The following DPF3 variants were observed in gnomAD, a reference collection of about 807,000 sequenced individuals.
The protein encoded by DPF3 is double PHD fingers 3.
A neutral mutation model predicts 56.8 loss-of-function variants in DPF3; 18 were observed. The observed-to-expected ratio is 0.32, with a 90% confidence interval of 0.22 to 0.47. DPF3 has a LOEUF of 0.47. DPF3 is among the 20% of genes least tolerant of loss of function. The pLI is 1.00. For missense variants in DPF3, 403 were observed against 488.8 expected, an observed-to-expected ratio of 0.82 and a Z score of 1.65; for synonymous variants, 188 against 180.2, an observed-to-expected ratio of 1.04 and a Z score of -0.35.
rs940008537 is a variant in DPF3, at chr14:72,822,782, G to T, written c.33-50889C>A. ...CTTAGAAGGAAGGAGAGTATTATGA[G>T]TTGAGTTTTTTAGAAGGAAAGAGAG... On this transcript the variant is annotated intron_variant, in intron 1 of 10. Transcript: ENST00000556509. 1.8e-4 allele frequency among the ~76,000 whole-genome samples: 28 copies of T among 152,142 alleles called. 1 individual carries two copies. Among genetic ancestry groups the T allele is most frequent in the Admixed American group, 1.6e-3 (25 of 15,274 alleles).
At chr14:72,853,029 C>T (rs2140086269) in intron 1 of DPF3, among the ~76,000 whole-genome samples, 1 of 53,800 alleles carries the variant, frequency 1.9e-5, no homozygotes, top group South Asian at 8.3e-4. Context: ...TCTGCCATAG[C>T]CTTGCGTGTG....
chr14:72,610,733 C>T lies in DPF3; in HGVS notation c.*8564G>A, dbSNP rs1044698255. ...AAGGGCAGGTGGGAGATGGAGCCTTCTCAGAGCTCAGCCACTGGCTCTTGG... is the reference window on the plus strand; with the variant it reads ...AAGGGCAGGTGGGAGATGGAGCCTTTTCAGAGCTCAGCCACTGGCTCTTGG... On this transcript the variant is annotated 3_prime_UTR_variant, in exon 11 of 11. Transcript: ENST00000556509. 1.8e-4 allele frequency among the ~76,000 whole-genome samples: 28 copies of T among 152,322 alleles called. 1 individual carries two copies. Among genetic ancestry groups the T allele is most frequent in the African/African-American group, 6.5e-4 (27 of 41,572 alleles).
intron 1 of DPF3, among the ~76,000 whole-genome samples, chr14:72,887,888 G>A (rs1475072488): frequency 6.6e-6 from 1 of 152,222 alleles, no homozygotes; most frequent in Non-Finnish European, 1.5e-5. Flanking sequence ...GCAGGTGAAA[G>A]TGTGAGGATG....
chr14:72,733,894 G>A (rs1045318169), intron 3 of DPF3, among the ~76,000 whole-genome samples: 7 of 152,258 alleles, frequency 4.6e-5, no homozygotes, highest in East Asian at 1.9e-4. Flanking sequence ...GTGGGTGACC[G>A]GCCCCCAGAA....
Position 72,609,555 on chromosome 14 carries a change from G to A in DPF3, c.*9742C>T, listed in dbSNP as rs1883600355. The stretch of plus-strand genomic sequence containing the variant: ...AGAGCTTGATACGTTCCTTAGGCAG[G>A]GCAGAAACATCACAGCACTTCACGT... On this transcript the variant is annotated 3_prime_UTR_variant, in exon 11 of 11. Transcript: ENST00000556509. 6.6e-6 allele frequency among the ~76,000 whole-genome samples: 1 copy of A among 152,150 alleles called. No homozygotes were observed. The highest frequency in any genetic ancestry group is 2.4e-5 in the African/African-American group (1 of 41,408).
At chr14:72,795,708 C>T (rs1892621076) in intron 1 of DPF3, among the ~76,000 whole-genome samples, 1 of 152,122 alleles carries the variant, frequency 6.6e-6, no homozygotes, top group South Asian at 2.1e-4. Flanking sequence ...GCAGACTGAC[C>T]CTTTCATGCT....
chr14:72,622,167 T>C (rs1194188112), intron 9 of DPF3, among the ~76,000 whole-genome samples: 2 of 152,182 alleles, frequency 1.3e-5, no homozygotes, highest in Non-Finnish European at 2.9e-5. Context: ...TACATTTTTC[T>C]ATGGAAAGAG....
chr14:72,679,039 A>T (rs1887038220), intron 7 of DPF3, among the ~76,000 whole-genome samples: 2 of 152,244 alleles, frequency 1.3e-5, no homozygotes, highest in African/African-American at 2.4e-5. Context: ...CGCTCAGGGA[A>T]GCGAGAGCAG....
chr14:72,750,632 G>A lies in DPF3; in HGVS notation c.301+2632C>T, dbSNP rs572608105. 1.4e-4 allele frequency among the ~76,000 whole-genome samples: 22 copies of A among 151,986 alleles called. No homozygotes were observed. In the South Asian group the frequency reaches 1.9e-3, roughly 13 times the overall value. On this transcript the variant is annotated intron_variant, in intron 3 of 10. Transcript: ENST00000556509. ...TGGAATATTATGTAATTACAAAAAC[G>A]AAATGAAGAAACTTTATATTTTGCT...
Position 72,618,276 on chromosome 14 carries a change from T to A in DPF3, c.*1021A>T, listed in dbSNP as rs1206355877. ...ACAAACACTACGTGGAAGGAAGAAA[T>A]TACTTGGAAAAAGGAATTCAGAGCG... is the stretch of plus-strand genomic sequence containing the variant. On this transcript the variant is annotated 3_prime_UTR_variant, in exon 11 of 11. Coordinates refer to ENST00000556509, the MANE Select transcript of DPF3 (RefSeq NM_001280542.3). Among the ~76,000 whole-genome samples the A allele has an allele frequency of 6.6e-6, 1 of 152,088 alleles. No homozygotes were observed. The highest frequency in any genetic ancestry group is 1.5e-5 in the Non-Finnish European group (1 of 68,024).
intron 1 of DPF3, among the ~76,000 whole-genome samples, chr14:72,846,717 C>T (rs548273077): frequency 7.2e-5 from 11 of 152,196 alleles, no homozygotes; most frequent in South Asian, 4.2e-4. Flanking sequence ...CCACTGCACC[C>T]AGCCAGTAGC....
chr14:72,699,134 GA>G (rs1888043707), intron 6 of DPF3, among the ~76,000 whole-genome samples: 2 of 152,274 alleles, frequency 1.3e-5, no homozygotes, highest in South Asian at 2.1e-4. Context: ...AGACTGTGGA[GA>G]GAGAAAAGAG....
At chr14:72,887,197 A>AC (rs1886584720) in intron 1 of DPF3, among the ~76,000 whole-genome samples, 2 of 147,274 alleles carry the variant, frequency 1.4e-5, no homozygotes, top group South Asian at 2.2e-4. Flanking sequence ...ACACACACAC[A>AC]AAAGGAAGCA....
At chr14:72,756,822 C>CAGAAAGAA (rs71109746) in intron 2 of DPF3, among the ~76,000 whole-genome samples, 1,130 of 70,034 alleles carry the variant, frequency 0.016, 40 homozygotes, top group East Asian at 0.022. Flanking sequence ...GAAAGAAAGA[C>CAGAAAGAA]AGAAAGAAAG....
intron 3 of DPF3, among the ~76,000 whole-genome samples, chr14:72,750,958 A>C (rs1306232866): frequency 6.6e-6 from 1 of 152,154 alleles, no homozygotes; most frequent in Non-Finnish European, 1.5e-5. Context: ...TGGGAGACCG[A>C]GGCAGGAGGA....
At chr14:72,645,387 C>A (rs1268019143) in intron 8 of DPF3, among the ~76,000 whole-genome samples, 1 of 151,906 alleles carries the variant, frequency 6.6e-6, no homozygotes. Flanking sequence ...GCACCTGCCG[C>A]CTCCTTGGCT....
chr14:72,680,089 C>T (rs1256759012), intron 7 of DPF3, among the ~76,000 whole-genome samples: 4 of 152,172 alleles, frequency 2.6e-5, no homozygotes, highest in African/African-American at 9.7e-5. Context: ...CAGCGTGAAG[C>T]AGAGCCAGGA....
intron 1 of DPF3, among the ~76,000 whole-genome samples, chr14:72,849,838 C>T (rs1884903626): frequency 6.6e-6 from 1 of 152,180 alleles, no homozygotes; most frequent in Non-Finnish European, 1.5e-5. Context: ...TAGGTTTAGG[C>T]TGGGCACAGT....
chr14:72,824,160 G>A (rs563916809), intron 1 of DPF3, among the ~76,000 whole-genome samples: 24 of 152,260 alleles, frequency 1.6e-4, no homozygotes, highest in African/African-American at 4.8e-4. Context: ...GAAACAAGGG[G>A]CACCTGCAAA....
Sources: gnomAD v4.1 joint callset for allele counts (sites outside exome capture counted in the v4.1 genomes callset) on GRCh38, gnomAD v4.1.1 for gene constraint, MANE v1.5 for transcripts, NCBI Gene and HGNC (gene_info 2026-07-23, HGNC 2026-07-21) for gene names.